KIF26B: variants seen among roughly 807,000 people sequenced by gnomAD.
The protein encoded by KIF26B is kinesin-like protein KIF26B.
In KIF26B, 63 loss-of-function variants were observed where a neutral mutation model predicts 151.2. The observed-to-expected ratio is 0.42, with a 90% CI of 0.34 to 0.51. The LOEUF (loss-of-function observed/expected upper bound fraction) is 0.51, where lower values mean the gene tolerates loss of function less well. Ranked by LOEUF, KIF26B falls within the 20% of genes least tolerant of loss-of-function variation. The pLI, the probability that KIF26B is intolerant of heterozygous loss-of-function variation, is 0.07. For missense variants in KIF26B, 2,813 were observed against 2,913.6 expected (o/e 0.97, Z 0.79); for synonymous variants, 1,357 against 1,262.1 (o/e 1.08, Z -1.59).
chr1:245,456,563 G>A (rs536934588), intron 4 of KIF26B, among the ~76,000 whole-genome samples: 114 of 152,286 alleles, frequency 7.5e-4, no homozygotes, highest in African/African-American at 2.2e-3. Context: ...TTGGTTGAAT[G>A]TTTTCATGTG....
At chr1:245,409,043 T>C (rs1674209454) in intron 3 of KIF26B, among the ~76,000 whole-genome samples, 1 of 152,222 alleles carries the variant, frequency 6.6e-6, no homozygotes, top group Non-Finnish European at 1.5e-5. Flanking sequence ...GATCTCATCA[T>C]GTCAACTGGA....
intron 5 of KIF26B, among the ~76,000 whole-genome samples, chr1:245,559,858 T>A (rs2042922643): frequency 6.6e-6 from 1 of 152,166 alleles, no homozygotes; most frequent in African/African-American, 2.4e-5. Context: ...ACAAGGTTTT[T>A]TGTTTTGCTC....
rs115790230 is a variant in KIF26B at position 245,433,691 on chromosome 1, A to G, written c.1166+13946A>G. On this transcript the variant is annotated intron_variant, in intron 4 of 14. Transcript: ENST00000407071. ...AATCATCTATCATTTTACTCAGCAT[A>G]TGCAAAAAATGATCTTAGCATCACA... Among the ~76,000 whole-genome samples the G allele has an allele frequency of 7.9e-3, 1,201 of 152,330 alleles. 5 individuals are homozygous for G. Among genetic ancestry groups the G allele is most frequent in the Middle Eastern group, 0.017 (5 of 294 alleles).
intron 4 of KIF26B, among the ~76,000 whole-genome samples, chr1:245,441,659 A>G (rs1462624700): frequency 6.6e-6 from 1 of 152,200 alleles, no homozygotes; most frequent in Non-Finnish European, 1.5e-5. Context: ...TTATGTGGAG[A>G]TTGATAATCA....
At position 245,687,634 on chromosome 1, in the gene KIF26B, G is replaced by T. The variant is rs1396936715; in HGVS notation, c.4651G>T (p.Asp1551Tyr). ...FQKASRQEEP[D>Y]SLSYYCAAET... ...GAAGGCCAGCCGGCAGGAGGAGCCGGACAGCCTCTCCTATTACTGCGCTGC... is the reference window on the plus strand; with the variant it reads ...GAAGGCCAGCCGGCAGGAGGAGCCGTACAGCCTCTCCTATTACTGCGCTGC... Residue 1551 changes from aspartate to tyrosine, a missense_variant, in exon 12 of 15, where the codon GAC becomes TAC. Around this residue, in one of 3 missense-constraint regions of KIF26B, gnomAD observed 2,060 missense variants for 2,088.6 expected, o/e 0.99. Coordinates refer to ENST00000407071, the MANE Select transcript of KIF26B (RefSeq NM_018012.4). This position sits in a 1 kb window ranked among gnomAD's most constrained non-coding sequence, Gnocchi z 4.9. 8 of 1,567,002 alleles carry T rather than the reference G, an allele frequency of 5.1e-6. No individual in the cohort carries two copies. The highest frequency in any genetic ancestry group is 1.4e-5 in the African/African-American group (1 of 73,740).
At chr1:245,680,803 T>A (rs775649667) in intron 10 of KIF26B, among the ~76,000 whole-genome samples, 13 of 152,228 alleles carry the variant, frequency 8.5e-5, no homozygotes, top group East Asian at 1.9e-4. Context: ...GGGGTGAAGA[T>A]ACTGAGTCGC....
intron 5 of KIF26B, among the ~76,000 whole-genome samples, chr1:245,550,306 G>T (rs1661848450): frequency 6.6e-6 from 1 of 152,224 alleles, no homozygotes; most frequent in South Asian, 2.1e-4. Context: ...GCTGAAATCG[G>T]TGATGGTAAA....
chr1:245,370,311 C>T (rs1243237468), intron 3 of KIF26B, among the ~76,000 whole-genome samples: 2 of 151,894 alleles, frequency 1.3e-5, no homozygotes, highest in Non-Finnish European at 2.9e-5. Context: ...GAATATTTTC[C>T]ACGCTATGGA....
rs1374852510 is a variant in KIF26B at position 245,667,158 on chromosome 1, AGC to A, written c.2259-17074_2259-17073del. Among the ~76,000 whole-genome samples, 1 of 152,174 alleles carries A rather than the reference AGC, an allele frequency of 6.6e-6. No individual in the cohort carries two copies. The highest frequency in any genetic ancestry group is 2.4e-5 in the African/African-American group (1 of 41,438). On this transcript the variant is annotated intron_variant, in intron 10 of 14. Transcript: ENST00000407071. This position sits in a 1 kb window ranked among gnomAD's most constrained non-coding sequence, Gnocchi z 4.3. ...GAGCCTTATGCTAGGCACTCCTTCC[AGC>A]CCAAGGCAGCATCGTCTACTTTGGT...
chr1:245,197,149 T>C (rs1669210461), intron 2 of KIF26B, among the ~76,000 whole-genome samples: 1 of 152,236 alleles, frequency 6.6e-6, no homozygotes, highest in Non-Finnish European at 1.5e-5. Flanking sequence ...ATTTGGTGAT[T>C]GAATAACAAC....
chr1:245,242,786 G>C (rs1197549715), intron 2 of KIF26B, among the ~76,000 whole-genome samples: 1 of 152,052 alleles, frequency 6.6e-6, no homozygotes, highest in Non-Finnish European at 1.5e-5. Flanking sequence ...TGAGTAGCTG[G>C]GATTACAGGC....
chr1:245,525,971 C>T (rs549640134), intron 4 of KIF26B, among the ~76,000 whole-genome samples: 1 of 152,262 alleles, frequency 6.6e-6, no homozygotes. Flanking sequence ...TAATAACTAA[C>T]AGTATCCATA....
chr1:245,235,151 G>A (rs1266425664), intron 2 of KIF26B, among the ~76,000 whole-genome samples: 9 of 152,206 alleles, frequency 5.9e-5, no homozygotes, highest in Admixed American at 6.5e-5. Context: ...GAAAATATTC[G>A]AATATGTTAG....
chr1:245,536,812 C>T (rs1661495983), intron 4 of KIF26B, among the ~76,000 whole-genome samples: 1 of 152,150 alleles, frequency 6.6e-6, no homozygotes. Context: ...CAGTTCTTTT[C>T]CACTTGACCC....
chr1:245,686,133 C>T lies in KIF26B; in HGVS notation c.3150C>T (p.Leu1050=). ...GCCTCCAGAGCAGCCGGGAGAGCCTCAACTCCTGCGGCTTCGTGGAAGGCA... is the reference window on the plus strand; with the variant it reads ...GCCTCCAGAGCAGCCGGGAGAGCCTTAACTCCTGCGGCTTCGTGGAAGGCA... ...SPSLQSSRES[L]NSCGFVEGKP... Residue 1050 remains leucine (L), a synonymous_variant, in exon 12 of 15, where the codon CTC becomes CTT. Coordinates refer to ENST00000407071, the MANE Select transcript of KIF26B (RefSeq NM_018012.4). This position sits in a 1 kb window ranked among gnomAD's most constrained non-coding sequence, Gnocchi z 5.6. 6.2e-7 allele frequency: 1 copy of T among 1,611,998 alleles called. No individual in the cohort carries two copies. Among genetic ancestry groups the T allele is most frequent in the Non-Finnish European group, 8.5e-7 (1 of 1,179,586 alleles).
intron 2 of KIF26B, among the ~76,000 whole-genome samples, chr1:245,265,779 T>C (rs920673647): frequency 8.6e-5 from 13 of 152,032 alleles, no homozygotes; most frequent in South Asian, 4.1e-4. Context: ...TGATTTCTTT[T>C]GTATTTTATA....
intron 2 of KIF26B, among the ~76,000 whole-genome samples, chr1:245,272,494 GTT>G (rs1670870962): frequency 8.9e-6 from 1 of 112,078 alleles, no homozygotes; most frequent in African/African-American, 3.6e-5. Context: ...TTTTTCTATT[GTT>G]TTTATATTTT....
intron 2 of KIF26B, among the ~76,000 whole-genome samples, chr1:245,305,885 C>T (rs531414854): frequency 2.2e-5 from 3 of 139,044 alleles, no homozygotes; most frequent in Non-Finnish European, 4.5e-5. Context: ...TTTAGTGAGC[C>T]GAGATCGCAC....
rs1417765131 is a variant in KIF26B at position 245,564,997 on chromosome 1, G to A, written c.1350+24047G>A. Reference sequence around the variant, plus strand: ...ACCGACTAGCACTGGTCCGTGGCCTGGGGGTTAGGGAGCCCTGCTCTGTTA... The same window carrying A: ...ACCGACTAGCACTGGTCCGTGGCCTAGGGGTTAGGGAGCCCTGCTCTGTTA... On this transcript the variant is annotated intron_variant, in intron 5 of 14. Coordinates refer to ENST00000407071, the MANE Select transcript of KIF26B (RefSeq NM_018012.4). The surrounding 1 kb of genome is among the most constrained non-coding windows in gnomAD (Gnocchi z 4.6). 6.6e-6 allele frequency among the ~76,000 whole-genome samples: 1 copy of A among 152,118 alleles called. No individual in the cohort carries two copies. The highest frequency in any genetic ancestry group is 1.5e-5 in the Non-Finnish European group (1 of 68,028).
Sources: gnomAD v4.1 joint callset for allele counts (sites outside exome capture counted in the v4.1 genomes callset) on GRCh38, gnomAD v4.1.1 for gene constraint, gnomAD v4.1.1 regional missense constraint, Gnocchi (gnomAD v3.1) non-coding constraint, MANE v1.5 for transcripts, NCBI Gene and HGNC (gene_info 2026-07-23, HGNC 2026-07-21) for gene names.